Variants in METTL2A observed in about 807,000 individuals in gnomAD.
METTL2A encodes methyltransferase 2A, tRNA N3-cytidine, also known as tRNA N(3)-cytidine methyltransferase METTL2A.
Under a neutral mutation model 49.4 loss-of-function variants are expected in METTL2A, and 45 were observed. That is an observed-to-expected ratio of 0.91 (90% CI 0.72 to 1.17). METTL2A has a LOEUF of 1.17. Ranked by LOEUF, METTL2A falls within the 50% of genes most tolerant of loss-of-function variation. The probability of loss-of-function intolerance (pLI) is 0.00; values close to 1 mark genes in which losing one functional copy is unlikely to be tolerated. For missense variants in METTL2A, 361 were observed against 462.2 expected, an observed-to-expected ratio of 0.78 and a Z score of 2.01; for synonymous variants, 118 against 167.5, an observed-to-expected ratio of 0.70 and a Z score of 2.28.
chr17:62,445,761 C>T lies in METTL2A; in HGVS notation c.916+818C>T, dbSNP rs546612472. On this transcript the variant is annotated intron_variant, in intron 7 of 8. Coordinates refer to ENST00000311506, the MANE Select transcript of METTL2A (RefSeq NM_181725.4). ...GCAGTGAGCCAAGATCACACCATTGCACTCCAGCCTGGGCAACGAGTGAAA... is the reference window on the plus strand; with the variant it reads ...GCAGTGAGCCAAGATCACACCATTGTACTCCAGCCTGGGCAACGAGTGAAA... Among the ~76,000 whole-genome samples, 9 of 151,168 alleles carry T rather than the reference C, an allele frequency of 6.0e-5. No individual in the cohort carries two copies. In the East Asian group the frequency reaches 1.6e-3, roughly 26 times the overall value.
In METTL2A at chr17:62,453,174, G is replaced by A. The variant is rs1187635736; in HGVS notation, c.*4445G>A. 3.3e-5 allele frequency among the ~76,000 whole-genome samples: 5 copies of A among 152,018 alleles called. No individual in the cohort carries two copies. The highest frequency in any genetic ancestry group is 1.9e-4 in the East Asian group (1 of 5,192). ...GGCTTTGGGCTTAGATTAAAAAGAC[G>A]AGCCTTCTCCTGCCCCTGCTCCCTT... On this transcript the variant is annotated 3_prime_UTR_variant, in exon 9 of 9. Transcript: ENST00000311506.
chr17:62,436,198 G>A (rs144003656), intron 5 of METTL2A, among the ~76,000 whole-genome samples: 1,605 of 152,190 alleles, frequency 0.011, 23 homozygotes, highest in African/African-American at 0.037. Flanking sequence ...AGCTGAGATC[G>A]CGCCACTGCA....
At position 62,449,288 on chromosome 17, in the gene METTL2A, CTTA is replaced by C; in HGVS notation, c.*563_*565del. The C allele has an allele frequency of 2.6e-6, 1 of 380,310 alleles. No homozygotes were observed. The highest frequency in any genetic ancestry group is 9.1e-4 in the Middle Eastern group (1 of 1,102). The allele number at this position is 380,310 out of a possible 1,614,324, so 23.6% of individuals were successfully genotyped here. A position where few individuals can be genotyped will look rare whatever the true frequency, so the allele number is the denominator to read the frequency against. ...AATACATACAGAGGTTAGTGAAGGG[CTTA>C]TTAAGTTGTAGGGGAAGCAAGCTGG... is the stretch of plus-strand genomic sequence containing the variant. On this transcript the variant is annotated 3_prime_UTR_variant, in exon 9 of 9. Transcript: ENST00000311506.
chr17:62,429,342 G>C (rs1300365229), intron 4 of METTL2A, among the ~76,000 whole-genome samples: 1 of 152,206 alleles, frequency 6.6e-6, no homozygotes, highest in African/African-American at 2.4e-5. Context: ...CCAGGTTGGA[G>C]TGCAGTGGCA....
Position 62,426,516 on chromosome 17 carries a change from G to A in METTL2A, c.420G>A (p.Gln140=), listed in dbSNP as rs752961769. The A allele has an allele frequency of 1.2e-6, 2 of 1,604,162 alleles. No homozygotes were observed. The highest frequency in any genetic ancestry group is 1.7e-6 in the Non-Finnish European group (2 of 1,171,818). The change falls in exon 3 of 9, where the codon CAG becomes CAA. Residue 140 remains glutamine, a synonymous_variant. Transcript: ENST00000311506. The part of the protein sequence containing the change: ...EDGPGLIMEE[Q]HKCSSKSLEH... ...GACCTGGTTTAATAATGGAAGAACAGCACAAGTGTTCTTCAAAGAGCCTTG... is the reference window on the plus strand; with the variant it reads ...GACCTGGTTTAATAATGGAAGAACAACACAAGTGTTCTTCAAAGAGCCTTG...
chr17:62,440,289 T>G (rs1384522245), intron 5 of METTL2A, among the ~76,000 whole-genome samples: 1 of 152,156 alleles, frequency 6.6e-6, no homozygotes, highest in East Asian at 1.9e-4. Context: ...CCTCCCAAAG[T>G]GCTGGGATTA....
At chr17:62,440,084 G>GGC (rs2070728822) in intron 5 of METTL2A, among the ~76,000 whole-genome samples, 3 of 150,382 alleles carry the variant, frequency 2.0e-5, no homozygotes, top group Non-Finnish European at 4.4e-5. Flanking sequence ...GGAGTGCAAT[G>GGC]GTGCAATCTC....
intron 7 of METTL2A, 117 bp from the exon 8 acceptor site, chr17:62,447,584 C>G: frequency 9.4e-7 from 1 of 1,059,146 alleles, no homozygotes; most frequent in Non-Finnish European, 1.4e-6. Flanking sequence ...CTTCCCGAAG[C>G]ACTGAGGCAG....
intron 7 of METTL2A, among the ~76,000 whole-genome samples, chr17:62,446,971 A>G (rs2070773030): frequency 6.6e-6 from 1 of 152,220 alleles, no homozygotes; most frequent in Admixed American, 6.6e-5. Flanking sequence ...GGAGGTTAGC[A>G]GCAGAAGGGA....
intron 4 of METTL2A, among the ~76,000 whole-genome samples, chr17:62,429,316 A>T (rs567700452): frequency 1.9e-4 from 28 of 148,026 alleles, no homozygotes; most frequent in Admixed American, 1.9e-3. Context: ...AAAGATACAG[A>T]GTCTTGCTTC....
chr17:62,436,857 A>T (rs1230492670), intron 5 of METTL2A, among the ~76,000 whole-genome samples: 1 of 152,196 alleles, frequency 6.6e-6, no homozygotes, highest in African/African-American at 2.4e-5. Flanking sequence ...CTTCTTTCAA[A>T]TTGAAGTCCA....
At chr17:62,448,458 G>A in intron 8 of METTL2A, 117 bp from the exon 9 acceptor site, 1 of 1,500,918 alleles carries the variant, frequency 6.7e-7, no homozygotes, top group Non-Finnish European at 8.9e-7. Context: ...TAACCAAATG[G>A]CCATGTAAAA....
At chr17:62,431,092 C>T (rs2070661754) in intron 4 of METTL2A, among the ~76,000 whole-genome samples, 1 of 151,732 alleles carries the variant, frequency 6.6e-6, no homozygotes, top group East Asian at 2.0e-4. Flanking sequence ...TTCGAACTCC[C>T]GACTTCAGGT....
At chr17:62,428,447 T>A (rs552113648) in intron 4 of METTL2A, among the ~76,000 whole-genome samples, 20 of 152,308 alleles carry the variant, frequency 1.3e-4, no homozygotes, top group African/African-American at 4.8e-4. Context: ...TTGGAGTTGG[T>A]GTCAGATCCC....
chr17:62,447,562 T>C, intron 7 of METTL2A, 139 bp from the exon 8 acceptor site: 1 of 828,262 alleles, frequency 1.2e-6, no homozygotes. Flanking sequence ...GACTTACTCC[T>C]GTTGAGCTGC....
chr17:62,429,219 A>C (rs1007115975), intron 4 of METTL2A, among the ~76,000 whole-genome samples: 1 of 152,080 alleles, frequency 6.6e-6, no homozygotes, highest in Non-Finnish European at 1.5e-5. Flanking sequence ...GAAAGTTCCA[A>C]TCGGTTTGCC....
intron 5 of METTL2A, 72 bp from the exon 6 acceptor site, chr17:62,440,545 A>C: frequency 6.6e-7 from 1 of 1,520,896 alleles, no homozygotes; most frequent in Non-Finnish European, 8.8e-7. Context: ...TTTAAAATTT[A>C]AAACAAGATA....
intron 4 of METTL2A, among the ~76,000 whole-genome samples, chr17:62,434,597 T>A (rs878866651): frequency 6.6e-6 from 1 of 152,242 alleles, no homozygotes; most frequent in African/African-American, 2.4e-5. Context: ...ATAATGTGCT[T>A]CATAATTGAA....
intron 5 of METTL2A, among the ~76,000 whole-genome samples, chr17:62,439,674 C>T (rs2144149375): frequency 6.6e-6 from 1 of 152,172 alleles, no homozygotes; most frequent in Admixed American, 6.5e-5. Context: ...ACTCATGATC[C>T]GCCTGCCTCG....
Sources: gnomAD v4.1 joint callset for allele counts (sites outside exome capture counted in the v4.1 genomes callset) on GRCh38, gnomAD v4.1.1 for gene constraint, MANE v1.5 for transcripts, NCBI Gene and HGNC (gene_info 2026-07-23, HGNC 2026-07-21) for gene names.